CHURC1: variants seen among roughly 807,000 people sequenced by gnomAD.
CHURC1 encodes protein Churchill.
In CHURC1, 12 loss-of-function variants were observed where a neutral mutation model predicts 15.4. The ratio of observed to expected loss-of-function variants is 0.78; its 90% CI spans 0.50 to 1.27. The LOEUF is 1.27. CHURC1 is among the 50% of genes most tolerant of loss of function. CHURC1 has a pLI of 0.00. For missense variants in CHURC1, 132 were observed against 137.8 expected (o/e 0.96, Z 0.21); for synonymous variants, 42 against 47.5 (o/e 0.88, Z 0.48).
At chr14:64,926,760 C>A (rs369155549) in intron 3 of CHURC1, among the ~76,000 whole-genome samples, 3 of 152,286 alleles carry the variant, frequency 2.0e-5, no homozygotes, top group African/African-American at 7.2e-5. Flanking sequence ...AGGAGAAACA[C>A]AGAACCACTG....
At chr14:64,926,211 C>CT (rs3033502) in intron 3 of CHURC1, 131 bp downstream of exon 3, 17,298 of 187,620 alleles carry the variant, frequency 0.092, 1,178 homozygotes, top group African/African-American at 0.2. Context: ...GAGACTATGC[C>CT]TTTTTTTTTT....
intron 1 of CHURC1, among the ~76,000 whole-genome samples, chr14:64,917,859 G>A (rs980418631): frequency 1.3e-5 from 2 of 152,206 alleles, no homozygotes; most frequent in Admixed American, 6.5e-5. Context: ...AGAAATTGGA[G>A]GCATATGGGA....
chr14:64,921,990 T>C (rs568968793), intron 1 of CHURC1, among the ~76,000 whole-genome samples: 66 of 152,330 alleles, frequency 4.3e-4, no homozygotes, highest in African/African-American at 1.5e-3. Context: ...ATAGGCATTA[T>C]ATCGAGCAAG....
In CHURC1 at chr14:64,933,589, TTTAAA is replaced by T. The variant is rs1300455782; in HGVS notation, c.*1361_*1365del. On this transcript the variant is annotated 3_prime_UTR_variant, in exon 4 of 4. Coordinates refer to ENST00000549115, the MANE Select transcript of CHURC1 (RefSeq NM_001386928.1). ...CATTCATCACAGTATTGTTAGGAGA[TTTAAA>T]TGAATTAGTGAATGTAAGATACTTT... 1 of 981,566 alleles carries T rather than the reference TTTAAA, an allele frequency of 1.0e-6. No individual in the cohort carries two copies. Among genetic ancestry groups the T allele is most frequent in the African/African-American group, 1.8e-5 (1 of 57,116 alleles). The allele number at this position is 981,566 out of a possible 1,614,324, so 60.8% of individuals were successfully genotyped here.
At chr14:64,916,761 G>A (rs1312541217) in intron 1 of CHURC1, among the ~76,000 whole-genome samples, 1 of 151,996 alleles carries the variant, frequency 6.6e-6, no homozygotes, top group African/African-American at 2.4e-5. Context: ...TGTATTTTTA[G>A]TAGAGACAGG....
rs1457797506 is a variant in CHURC1, at chr14:64,924,038, CTGTGCAG to C, written c.96_102del (p.Cys33SerfsTer6). On this transcript the variant is annotated frameshift_variant, in exon 2 of 4. Transcript: ENST00000549115. LOFTEE classifies it high-confidence loss of function. ...GATCTTTCTTACTGAACTTTACAGG[CTGTGCAG>C]TGTGCAGTAAGCGGGATTTTATGCT... 1.9e-6 allele frequency: 3 copies of C among 1,602,358 alleles called. No individual in the cohort carries two copies. Among genetic ancestry groups the C allele is most frequent in the Non-Finnish European group, 2.6e-6 (3 of 1,173,664 alleles).
intron 1 of CHURC1, among the ~76,000 whole-genome samples, chr14:64,916,584 GT>G (rs1883897792): frequency 6.6e-6 from 1 of 151,948 alleles, no homozygotes; most frequent in Non-Finnish European, 1.5e-5. Flanking sequence ...TTTTGTTGTT[GT>G]TTTTGTTTTT....
At chr14:64,915,523 G>A (rs377103548) in intron 1 of CHURC1, among the ~76,000 whole-genome samples, 2 of 152,348 alleles carry the variant, frequency 1.3e-5, no homozygotes, top group East Asian at 3.9e-4. Context: ...AGAAAAGAAG[G>A]TGAGGAGCTG....
Position 64,929,589 on chromosome 14 carries a change from A to G in CHURC1, c.247-2549A>G, listed in dbSNP as rs149593595. On this transcript the variant is annotated intron_variant, in intron 3 of 3. Transcript: ENST00000549115. ...CCACCATTGTTGTTTTATATTAAACATCTTATAGGAGATTTAAACATAGTC... is the reference window on the plus strand; with the variant it reads ...CCACCATTGTTGTTTTATATTAAACGTCTTATAGGAGATTTAAACATAGTC... Among the ~76,000 whole-genome samples, 67 of 152,288 alleles carry G rather than the reference A, an allele frequency of 4.4e-4. No individual in the cohort carries two copies. The East Asian group carries it at 0.013, about 29-fold the overall frequency.
chr14:64,914,598 GCCTTCC>G, intron 1 of CHURC1, 64 bp downstream of exon 1: 2 of 1,607,788 alleles, frequency 1.2e-6, no homozygotes, highest in South Asian at 2.2e-5. Flanking sequence ...TCCAAGGCTG[GCCTTCC>G]CAGAGAGGCC....
At chr14:64,927,417 G>C (rs1884784549) in intron 3 of CHURC1, among the ~76,000 whole-genome samples, 1 of 152,160 alleles carries the variant, frequency 6.6e-6, no homozygotes, top group South Asian at 2.1e-4. Flanking sequence ...GGAAAGGAGT[G>C]CTTATAGCTA....
At position 64,932,260 on chromosome 14, in the gene CHURC1, A is replaced by G; in HGVS notation, c.*30A>G. 6.2e-7 allele frequency: 1 copy of G among 1,609,298 alleles called. No individual in the cohort carries two copies. ...CCTTCTACAGATCTGTTATAACTAT[A>G]TTGTGTTGGTTTACAATACAGCAAG... On this transcript the variant is annotated 3_prime_UTR_variant, in exon 4 of 4. Coordinates refer to ENST00000549115, the MANE Select transcript of CHURC1 (RefSeq NM_001386928.1).
chr14:64,914,638 A>C (rs1028548036), intron 1 of CHURC1, 104 bp downstream of exon 1: 32 of 1,576,774 alleles, frequency 2.0e-5, no homozygotes, highest in South Asian at 3.5e-5. Flanking sequence ...ACTCGGCCGC[A>C]CTGCCGGTCC....
Position 64,932,389 on chromosome 14 carries a change from A to G in CHURC1, c.*159A>G, listed in dbSNP as rs1885129755. 2 of 1,399,768 alleles carry G rather than the reference A, an allele frequency of 1.4e-6. No homozygotes were observed. Among genetic ancestry groups the G allele is most frequent in the Non-Finnish European group, 9.3e-7 (1 of 1,075,412 alleles). 86.7% of individuals were successfully genotyped at this position (1,399,768 alleles called of 1,614,324 possible). A position where few individuals can be genotyped will look rare whatever the true frequency, so the allele number is the denominator to read the frequency against. On this transcript the variant is annotated 3_prime_UTR_variant, in exon 4 of 4. Transcript: ENST00000549115. ...AGGAAAAAAGGTAATGTAGGAGCTC[A>G]TTGTTCTCTAGAGCTGAGCTCTTCT...
chr14:64,920,185 C>T (rs561040017), intron 1 of CHURC1, among the ~76,000 whole-genome samples: 1 of 152,120 alleles, frequency 6.6e-6, no homozygotes, highest in South Asian at 2.1e-4. Context: ...ATAACATACT[C>T]TCATATTAAT....
rs1211212806 is a variant in CHURC1 at position 64,933,412 on chromosome 14, T to C, written c.*1182T>C. 2.0e-6 allele frequency: 2 copies of C among 985,368 alleles called. No individual in the cohort carries two copies. Among genetic ancestry groups the C allele is most frequent in the Admixed American group, 6.1e-5 (1 of 16,272 alleles). The allele number at this position is 985,368 out of a possible 1,614,324, so 61.0% of individuals were successfully genotyped here. A position where few individuals can be genotyped will look rare whatever the true frequency, so the allele number is the denominator to read the frequency against. On this transcript the variant is annotated 3_prime_UTR_variant, in exon 4 of 4. Transcript: ENST00000549115. ...TAAAGGGATTTTAGAATATCTTACT[T>C]TGCATAGTTTCATGAGCACTGGCCA...
chr14:64,925,261 T>G (rs1167286592), intron 2 of CHURC1, among the ~76,000 whole-genome samples: 2 of 152,256 alleles, frequency 1.3e-5, no homozygotes, highest in Non-Finnish European at 2.9e-5. Flanking sequence ...TCGTTTTTAC[T>G]AGATTATTTT....
intron 3 of CHURC1, among the ~76,000 whole-genome samples, chr14:64,926,355 T>G (rs2147613): frequency 1.3e-3 from 193 of 152,178 alleles, no homozygotes; most frequent in African/African-American, 4.3e-3. Flanking sequence ...CCCATGCCTT[T>G]CTTATATCTG....
Position 64,932,373 on chromosome 14 carries a change from G to A in CHURC1, c.*143G>A. Reference sequence around the variant, plus strand: ...ACTTACTTATTCTTTGAGGAAAAAAGGTAATGTAGGAGCTCATTGTTCTCT... The same window carrying A: ...ACTTACTTATTCTTTGAGGAAAAAAAGTAATGTAGGAGCTCATTGTTCTCT... On this transcript the variant is annotated 3_prime_UTR_variant, in exon 4 of 4. Transcript: ENST00000549115. 7.0e-7 allele frequency: 1 copy of A among 1,422,574 alleles called. No homozygotes were observed. Among genetic ancestry groups the A allele is most frequent in the Non-Finnish European group, 9.2e-7 (1 of 1,085,938 alleles). 88.1% of individuals were successfully genotyped at this position (1,422,574 alleles called of 1,614,324 possible).
Sources: gnomAD v4.1 joint callset for allele counts (sites outside exome capture counted in the v4.1 genomes callset) on GRCh38, gnomAD v4.1.1 for gene constraint, MANE v1.5 for transcripts, NCBI Gene and HGNC (gene_info 2026-07-23, HGNC 2026-07-21) for gene names.